Variants in ZNF521 observed in about 807,000 individuals in gnomAD.
The protein encoded by ZNF521 is zinc finger protein 521.
In ZNF521, 14 loss-of-function variants were observed where a neutral mutation model predicts 105.5. That is an observed-to-expected ratio of 0.13 (90% CI 0.09 to 0.21). The LOEUF is 0.21. ZNF521 is among the 10% of genes least tolerant of loss of function. The pLI, the probability that ZNF521 is intolerant of heterozygous loss-of-function variation, is 1.00. For missense variants in ZNF521, 1,233 were observed against 1,629.7 expected (o/e 0.76, Z 4.19); for synonymous variants, 635 against 606.0 (o/e 1.05, Z -0.70).
chr18:25,207,237 G>A (rs989304519), intron 4 of ZNF521, among the ~76,000 whole-genome samples: 2 of 152,120 alleles, frequency 1.3e-5, no homozygotes, highest in African/African-American at 2.4e-5. Context: ...GACTGACCTT[G>A]CCCATGACTC....
At chr18:25,269,264 C>T (rs1909480770) in intron 3 of ZNF521, among the ~76,000 whole-genome samples, 1 of 152,102 alleles carries the variant, frequency 6.6e-6, no homozygotes, top group Non-Finnish European at 1.5e-5. Flanking sequence ...ATGCACCCAA[C>T]ACAGGAGCAC....
intron 3 of ZNF521, among the ~76,000 whole-genome samples, chr18:25,305,218 T>TA (rs1341041645): frequency 6.6e-6 from 1 of 152,224 alleles, no homozygotes; most frequent in Non-Finnish European, 1.5e-5. Context: ...TCCATGATGC[T>TA]TACGCTTGCC....
intron 2 of ZNF521, among the ~76,000 whole-genome samples, chr18:25,324,918 C>T (rs1018237213): frequency 1.3e-5 from 2 of 152,182 alleles, no homozygotes; most frequent in African/African-American, 2.4e-5. Flanking sequence ...AAATGAGGGT[C>T]ATTTTAAGAC....
intron 6 of ZNF521, 124 bp downstream of exon 6, chr18:25,091,826 T>TC: frequency 6.7e-6 from 8 of 1,197,862 alleles, no homozygotes; most frequent in Non-Finnish European, 7.9e-6. Context: ...TCAAACATCT[T>TC]CCCCCCAAAT....
At chr18:25,063,863 A>G (rs904754539) in intron 7 of ZNF521, among the ~76,000 whole-genome samples, 1 of 152,114 alleles carries the variant, frequency 6.6e-6, no homozygotes, top group African/African-American at 2.4e-5. Flanking sequence ...GCCCAGCTCA[A>G]AATATCACCA....
chr18:25,142,845 A>T (rs2034875008), intron 5 of ZNF521, among the ~76,000 whole-genome samples: 1 of 152,180 alleles, frequency 6.6e-6, no homozygotes, highest in Non-Finnish European at 1.5e-5. Context: ...AATAAAATTC[A>T]GGAGACTGTT....
intron 3 of ZNF521, among the ~76,000 whole-genome samples, chr18:25,295,810 T>C (rs75782315): frequency 0.063 from 9,543 of 152,232 alleles, 569 homozygotes; most frequent in African/African-American, 0.16. Context: ...TTCTCCAGGG[T>C]ATGGAGATAT....
intron 5 of ZNF521, among the ~76,000 whole-genome samples, chr18:25,191,078 C>T (rs1178106145): frequency 6.6e-6 from 1 of 152,030 alleles, no homozygotes; most frequent in South Asian, 2.1e-4. Context: ...ATCTAGGACA[C>T]GTTTATTAGT....
Position 25,199,906 on chromosome 18 carries a change from C to A in ZNF521, c.3574-4662G>T, listed in dbSNP as rs572685700. Among the ~76,000 whole-genome samples, 5 of 151,988 alleles carry A rather than the reference C, an allele frequency of 3.3e-5. No homozygotes were observed. In the South Asian group the frequency reaches 1.0e-3, roughly 32 times the overall value. On this transcript the variant is annotated intron_variant, in intron 4 of 7. Transcript: ENST00000361524. The stretch of plus-strand genomic sequence containing the variant: ...ATCTAATATATAAACTCTAAGAAGT[C>A]AGGAACCATAGCTCACATAATTTTA...
At chr18:25,310,474 T>C (rs752082663) in intron 3 of ZNF521, among the ~76,000 whole-genome samples, 8 of 150,642 alleles carry the variant, frequency 5.3e-5, no homozygotes, top group Admixed American at 4.0e-4. Flanking sequence ...ATTGATGTGG[T>C]ATTAAATATA....
chr18:25,280,971 T>C (rs933454140), intron 3 of ZNF521, among the ~76,000 whole-genome samples: 1 of 152,182 alleles, frequency 6.6e-6, no homozygotes, highest in East Asian at 1.9e-4. Flanking sequence ...GCTCATACTA[T>C]CAATTCCTTG....
At chr18:25,195,375 T>G (rs1011187506) in intron 4 of ZNF521, 131 bp from the exon 5 acceptor site, 4 of 628,698 alleles carry the variant, frequency 6.4e-6, no homozygotes, top group African/African-American at 1.9e-5. Flanking sequence ...ACAGGGCCCC[T>G]TGGCCCAAGT....
intron 5 of ZNF521, among the ~76,000 whole-genome samples, chr18:25,190,247 A>G (rs1299412808): frequency 6.6e-6 from 1 of 151,790 alleles, no homozygotes; most frequent in East Asian, 1.9e-4. Context: ...CAATCAAATA[A>G]GGATTTTTTT....
chr18:25,103,774 AGAAG>A (rs1360843834), intron 5 of ZNF521, among the ~76,000 whole-genome samples: 1 of 126,916 alleles, frequency 7.9e-6, no homozygotes, highest in African/African-American at 2.8e-5. Context: ...GAGGGAAGAA[AGAAG>A]GGTGAGAGGA....
chr18:25,143,159 ACT>A (rs922374900), intron 5 of ZNF521, among the ~76,000 whole-genome samples: 6 of 151,820 alleles, frequency 4.0e-5, no homozygotes, highest in Admixed American at 2.0e-4. Context: ...CTACATTTAT[ACT>A]CTTTTTTTTA....
At chr18:25,285,702 A>T (rs45457100) in intron 3 of ZNF521, among the ~76,000 whole-genome samples, 9,216 of 119,584 alleles carry the variant, frequency 0.077, 381 homozygotes, top group Non-Finnish European at 0.089. Flanking sequence ...TCTCTCTCAC[A>T]CACACACACA....
At chr18:25,345,044 A>G (rs958022790) in intron 2 of ZNF521, among the ~76,000 whole-genome samples, 1 of 152,240 alleles carries the variant, frequency 6.6e-6, no homozygotes, top group Admixed American at 6.5e-5. Context: ...AAACTCAAGC[A>G]AGTATACTTA....
chr18:25,328,315 C>A (rs76631960), intron 2 of ZNF521, among the ~76,000 whole-genome samples: 13,513 of 151,514 alleles, frequency 0.089, 772 homozygotes, highest in South Asian at 0.21. Context: ...GGAGAACATG[C>A]CAATTGTGAA....
At chr18:25,203,481 G>C (rs1447191876) in intron 4 of ZNF521, among the ~76,000 whole-genome samples, 1 of 152,100 alleles carries the variant, frequency 6.6e-6, no homozygotes, top group Non-Finnish European at 1.5e-5. Flanking sequence ...GTCAGGTGTG[G>C]TGGTTTGTGC....
Sources: allele counts gnomAD v4.1 joint callset (sites outside exome capture counted in the v4.1 genomes callset), GRCh38; gene constraint gnomAD v4.1.1; transcripts MANE v1.5; gene names NCBI Gene and HGNC (gene_info 2026-07-23, HGNC 2026-07-21).